The following STXBP4 variants were observed in gnomAD, a reference collection of about 807,000 sequenced individuals.
STXBP4 encodes syntaxin binding protein 4, also known as syntaxin-binding protein 4.
In STXBP4, 55 loss-of-function variants were observed where a neutral mutation model predicts 76.1. The ratio of observed to expected loss-of-function variants is 0.72; its 90% CI spans 0.58 to 0.91. STXBP4 has a LOEUF of 0.91. Ranked by LOEUF, STXBP4 falls within the 40% of genes least tolerant of loss-of-function variation. The pLI, the probability that STXBP4 is intolerant of heterozygous loss-of-function variation, is 0.00. For synonymous variants in STXBP4, 201 were observed against 220.2 expected (o/e 0.91, Z 0.77); for missense variants, 618 against 636.9 (o/e 0.97, Z 0.32).
Position 55,172,928 on chromosome 17 carries a change from C to G in STXBP4, c.*13017C>G, listed in dbSNP as rs1241237576. ...GTAGAGGTTATCTAAGCCAGCTCCT[C>G]CTTTTACTGGAAAAGGAAAAGACTG... On this transcript the variant is annotated 3_prime_UTR_variant, in exon 18 of 18. Transcript: ENST00000376352. The G allele has an allele frequency of 6.6e-6, 1 of 152,212 alleles. No homozygotes were observed. Among genetic ancestry groups the G allele is most frequent in the African/African-American group, 2.4e-5 (1 of 41,446 alleles). The allele number at this position is 152,212 out of a possible 1,614,324, so 9.4% of individuals were successfully genotyped here.
chr17:55,128,778 G>A (rs1315049358), intron 16 of STXBP4, among the ~76,000 whole-genome samples: 1 of 151,960 alleles, frequency 6.6e-6, no homozygotes, highest in East Asian at 1.9e-4. Context: ...ATCATGCCCG[G>A]CTACTTTTAC....
intron 3 of STXBP4, among the ~76,000 whole-genome samples, 199 bp downstream of exon 3, chr17:54,986,465 G>A (rs1461638131): frequency 6.6e-6 from 1 of 151,980 alleles, no homozygotes; most frequent in African/African-American, 2.4e-5. Flanking sequence ...TCTCTTTTAA[G>A]TCATCTGTGC....
At position 55,172,026 on chromosome 17, in the gene STXBP4, GA is replaced by G. The variant is rs2080409293; in HGVS notation, c.*12116del. ...GTCCCACTGTTGGTCATTCTTTGTA[GA>G]TGTGAGTTATTGCCCTATTGAGATC... On this transcript the variant is annotated 3_prime_UTR_variant, in exon 18 of 18. Transcript: ENST00000376352. The G allele has an allele frequency of 1.3e-5, 2 of 152,228 alleles. No individual in the cohort carries two copies. Among genetic ancestry groups the G allele is most frequent in the African/African-American group, 2.4e-5 (1 of 41,448 alleles). The allele number at this position is 152,228 out of a possible 1,614,324, so 9.4% of individuals were successfully genotyped here. A position where few individuals can be genotyped will look rare whatever the true frequency, so the allele number is the denominator to read the frequency against.
chr17:55,094,031 T>A (rs2079450721), intron 16 of STXBP4, among the ~76,000 whole-genome samples: 1 of 152,046 alleles, frequency 6.6e-6, no homozygotes, highest in Admixed American at 6.6e-5. Context: ...TTAGATTAAT[T>A]GACAAATAAG....
intron 17 of STXBP4, among the ~76,000 whole-genome samples, chr17:55,142,234 G>A (rs146770724): frequency 2.7e-4 from 41 of 152,256 alleles, no homozygotes; most frequent in African/African-American, 2.4e-4. Context: ...TACTTCTACC[G>A]TTTCCTGAAA....
intron 8 of STXBP4, among the ~76,000 whole-genome samples, chr17:55,015,159 AAAGGCGGTAG>A (rs2078182437): frequency 6.6e-6 from 1 of 152,158 alleles, no homozygotes; most frequent in Non-Finnish European, 1.5e-5. Flanking sequence ...GTCTCTCCAG[AAAGGCGGTAG>A]GATTTTCTTC....
intron 1 of STXBP4, among the ~76,000 whole-genome samples, chr17:54,974,271 G>C (rs182997706): frequency 6.6e-6 from 1 of 152,176 alleles, no homozygotes; most frequent in Admixed American, 6.5e-5. Flanking sequence ...TAAGAATAAT[G>C]TATTTGAATA....
chr17:55,042,057 A>G (rs2078708977), intron 10 of STXBP4, among the ~76,000 whole-genome samples: 2 of 152,170 alleles, frequency 1.3e-5, no homozygotes, highest in African/African-American at 4.8e-5. Context: ...GATACCCAAA[A>G]GCTAATGTGA....
At chr17:55,103,579 G>GTGTT (rs757107846) in intron 16 of STXBP4, among the ~76,000 whole-genome samples, 1 of 143,376 alleles carries the variant, frequency 7.0e-6, no homozygotes, top group Non-Finnish European at 1.5e-5. Flanking sequence ...CTCCAGTTTT[G>GTGTT]TTTTTTTTTT....
chr17:54,995,579 T>C (rs554928175), intron 4 of STXBP4, among the ~76,000 whole-genome samples: 6 of 152,186 alleles, frequency 3.9e-5, no homozygotes, highest in South Asian at 2.1e-4. Flanking sequence ...AAATTATAGG[T>C]CTCACAGTCA....
In STXBP4 at chr17:55,172,256, G is replaced by A. The variant is rs1330085837; in HGVS notation, c.*12345G>A. 1 of 152,266 alleles carries A rather than the reference G, an allele frequency of 6.6e-6. No homozygotes were observed. The highest frequency in any genetic ancestry group is 1.9e-4 in the East Asian group (1 of 5,192). 9.4% of individuals were successfully genotyped at this position (152,266 alleles called of 1,614,324 possible). A position where few individuals can be genotyped will look rare whatever the true frequency, so the allele number is the denominator to read the frequency against. On this transcript the variant is annotated 3_prime_UTR_variant, in exon 18 of 18. Coordinates refer to ENST00000376352, the MANE Select transcript of STXBP4 (RefSeq NM_178509.6). Reference sequence around the variant, plus strand: ...TGGTAGCACATTAGAAACACCTGGAGAGATTTTAAAATTTACAAAGCCTAG... The same window carrying A: ...TGGTAGCACATTAGAAACACCTGGAAAGATTTTAAAATTTACAAAGCCTAG...
intron 17 of STXBP4, among the ~76,000 whole-genome samples, chr17:55,142,964 T>A (rs368581573): frequency 1.2e-4 from 18 of 152,312 alleles, no homozygotes; most frequent in African/African-American, 4.3e-4. Flanking sequence ...TCTGGAAGAT[T>A]TGAATCACTG....
chr17:55,132,072 T>C (rs1292919749), intron 16 of STXBP4, among the ~76,000 whole-genome samples: 1 of 152,204 alleles, frequency 6.6e-6, no homozygotes, highest in Non-Finnish European at 1.5e-5. Context: ...CTGAAATAAA[T>C]TAGAGCTCCT....
the STXBP4 span, among the ~76,000 whole-genome samples, chr17:55,198,823 G>A: frequency 4.6e-5 from 7 of 152,092 alleles, no homozygotes; most frequent in East Asian, 1.9e-4. Flanking sequence ...TGTGGCATAC[G>A]ACTCCATCCA....
chr17:55,116,921 A>C (rs1364899265), intron 16 of STXBP4, among the ~76,000 whole-genome samples: 1 of 151,862 alleles, frequency 6.6e-6, no homozygotes, highest in African/African-American at 2.4e-5. Context: ...TATCTGTGTA[A>C]AGTTTTTAAT....
rs1296901863 is a variant in STXBP4 at position 55,169,081 on chromosome 17, C to T, written c.*9170C>T. On this transcript the variant is annotated 3_prime_UTR_variant, in exon 18 of 18. Transcript: ENST00000376352. The stretch of plus-strand genomic sequence containing the variant: ...CTGCAGGACATCAATTATTGTAAGA[C>T]ACTTCCTGTAATATGTTTAATTCCT... 2 of 152,154 alleles carry T rather than the reference C, an allele frequency of 1.3e-5. No individual in the cohort carries two copies. Among genetic ancestry groups the T allele is most frequent in the African/African-American group, 2.4e-5 (1 of 41,434 alleles). 9.4% of individuals were successfully genotyped at this position (152,154 alleles called of 1,614,324 possible).
At chr17:55,010,650 A>G (rs2078092855) in intron 8 of STXBP4, among the ~76,000 whole-genome samples, 1 of 152,110 alleles carries the variant, frequency 6.6e-6, no homozygotes, top group African/African-American at 2.4e-5. Flanking sequence ...ATTTATACCT[A>G]TGGAAGATGC....
At chr17:55,046,388 T>C (rs2078788796) in intron 11 of STXBP4, among the ~76,000 whole-genome samples, 1 of 151,980 alleles carries the variant, frequency 6.6e-6, no homozygotes, top group African/African-American at 2.4e-5. Flanking sequence ...CCATGAATCT[T>C]TACCACTCAA....
chr17:54,996,972 A>G (rs901470916), intron 4 of STXBP4, among the ~76,000 whole-genome samples: 7 of 152,224 alleles, frequency 4.6e-5, no homozygotes, highest in African/African-American at 1.7e-4. Context: ...TGTCAATGTG[A>G]AAGAATTCAG....
Sources: gnomAD v4.1 joint callset for allele counts (sites outside exome capture counted in the v4.1 genomes callset) on GRCh38, gnomAD v4.1.1 for gene constraint, MANE v1.5 for transcripts, NCBI Gene and HGNC (gene_info 2026-07-23, HGNC 2026-07-21) for gene names.